The following SAMD4A variants were observed in gnomAD, a reference collection of about 807,000 sequenced individuals.
SAMD4A encodes the protein protein Smaug homolog 1.
In SAMD4A, 33 loss-of-function variants were observed where a neutral mutation model predicts 81.3. The ratio of observed to expected loss-of-function variants is 0.41; its 90% CI spans 0.31 to 0.54. SAMD4A has a LOEUF of 0.54. Among genes scored for constraint, SAMD4A ranks in the 20% least tolerant of loss-of-function variants. The pLI, the probability that SAMD4A is intolerant of heterozygous loss-of-function variation, is 0.37. For synonymous variants in SAMD4A, 389 were observed against 382.1 expected, an observed-to-expected ratio of 1.02 and a Z score of -0.21; for missense variants, 854 against 951.1, an observed-to-expected ratio of 0.90 and a Z score of 1.34.
chr14:54,601,831 C>G (rs754925112), intron 2 of SAMD4A, among the ~76,000 whole-genome samples: 5 of 152,202 alleles, frequency 3.3e-5, no homozygotes, highest in Non-Finnish European at 7.3e-5. Flanking sequence ...CTCAGACACT[C>G]TTACATCACT....
intron 4 of SAMD4A, among the ~76,000 whole-genome samples, chr14:54,744,637 A>G (rs994973287): frequency 2.6e-5 from 4 of 152,184 alleles, no homozygotes; most frequent in Non-Finnish European, 5.9e-5. Flanking sequence ...GTGCACATGC[A>G]TGGTGGTGCT....
chr14:54,636,541 G>A (rs2035039464), intron 2 of SAMD4A, among the ~76,000 whole-genome samples: 1 of 152,228 alleles, frequency 6.6e-6, no homozygotes, highest in Non-Finnish European at 1.5e-5. Flanking sequence ...GAGGGCAGAT[G>A]TGGAAAGCAG....
intron 2 of SAMD4A, among the ~76,000 whole-genome samples, chr14:54,591,234 GGGT>G (rs899391378): frequency 3.9e-4 from 59 of 152,232 alleles, no homozygotes; most frequent in African/African-American, 1.3e-3. Context: ...TCTATCCCTG[GGGT>G]TCTCAGCAAG....
chr14:54,568,213 C>T, intron 2 of SAMD4A, 101 bp downstream of exon 2: 4 of 1,144,778 alleles, frequency 3.5e-6, no homozygotes, highest in Non-Finnish European at 4.6e-6. Flanking sequence ...CCCTGCCAGC[C>T]GCGCCGGGAC....
intron 8 of SAMD4A, among the ~76,000 whole-genome samples, chr14:54,766,171 G>T (rs914780475): frequency 1.3e-5 from 2 of 152,152 alleles, no homozygotes; most frequent in Non-Finnish European, 2.9e-5. Context: ...TTGTTTCAGG[G>T]ACAAGGCCTT....
rs368908451 is a variant in SAMD4A, at chr14:54,784,604, C to T, written c.2112C>T (p.Thr704=). ...TGGAGTCGTTGTGCCTCAGTATGAC[C>T]GAACACGCCCTGGGAGGTGAGTGTG... ...NRLESLCLSM[T]EHALGDGVDR... Residue 704 remains threonine (T), a synonymous_variant, in exon 12 of 13, where the codon ACC becomes ACT. Transcript: ENST00000554335. 5.6e-6 allele frequency: 9 copies of T among 1,613,916 alleles called. No individual in the cohort carries two copies. The highest frequency in any genetic ancestry group is 1.7e-5 in the Admixed American group (1 of 60,002).
intron 2 of SAMD4A, among the ~76,000 whole-genome samples, chr14:54,649,581 A>G (rs75825453): frequency 1.3e-4 from 20 of 152,314 alleles, no homozygotes; most frequent in Non-Finnish European, 2.5e-4. Context: ...AAGTCAAGCT[A>G]TAGGATGACT....
intron 6 of SAMD4A, among the ~76,000 whole-genome samples, chr14:54,754,027 C>T (rs1439289855): frequency 6.6e-6 from 1 of 152,224 alleles, no homozygotes; most frequent in African/African-American, 2.4e-5. Context: ...AGAGTGATTT[C>T]TTCCCTTCTT....
At chr14:54,724,924 G>A (rs960281515) in intron 3 of SAMD4A, among the ~76,000 whole-genome samples, 3 of 152,180 alleles carry the variant, frequency 2.0e-5, no homozygotes, top group African/African-American at 7.2e-5. Context: ...GGGTGTGAGA[G>A]AGAACCGCAC....
intron 2 of SAMD4A, among the ~76,000 whole-genome samples, chr14:54,688,968 G>A (rs1304967702): frequency 9.3e-6 from 1 of 107,124 alleles, no homozygotes; most frequent in African/African-American, 3.3e-5. Flanking sequence ...TTTTGCTCCT[G>A]TTTTCCAGGT....
chr14:54,745,657 C>G (rs2037950259), intron 4 of SAMD4A, among the ~76,000 whole-genome samples: 1 of 152,188 alleles, frequency 6.6e-6, no homozygotes, highest in Non-Finnish European at 1.5e-5. Flanking sequence ...GTTGAATGAG[C>G]AAATATCAGG....
At chr14:54,572,935 C>T (rs1360666123) in intron 2 of SAMD4A, among the ~76,000 whole-genome samples, 1 of 152,154 alleles carries the variant, frequency 6.6e-6, no homozygotes, top group Non-Finnish European at 1.5e-5. Flanking sequence ...AGATATAAGT[C>T]TACTGGGACC....
intron 3 of SAMD4A, among the ~76,000 whole-genome samples, chr14:54,735,364 C>T (rs190265726): frequency 7.2e-5 from 11 of 152,172 alleles, no homozygotes; most frequent in Admixed American, 3.3e-4. Flanking sequence ...CTGTTAGTGT[C>T]GATATTTTTT....
chr14:54,767,384 G>GT (rs2038578422), intron 8 of SAMD4A, among the ~76,000 whole-genome samples: 1 of 152,178 alleles, frequency 6.6e-6, no homozygotes, highest in South Asian at 2.1e-4. Context: ...GAGGGACCGA[G>GT]TCCCCAGAGT....
intron 2 of SAMD4A, among the ~76,000 whole-genome samples, chr14:54,663,633 T>A (rs1203369718): frequency 6.6e-6 from 1 of 152,218 alleles, no homozygotes; most frequent in Non-Finnish European, 1.5e-5. Flanking sequence ...CAAACAAAAT[T>A]ACTCTTCCAA....
At chr14:54,678,433 T>TGTGTGTGTGTGTGTGTGTG (rs2036040355) in intron 2 of SAMD4A, among the ~76,000 whole-genome samples, 3 of 81,250 alleles carry the variant, frequency 3.7e-5, no homozygotes, top group Admixed American at 1.6e-4. Context: ...CAGTCACCAT[T>TGTGTGTGTGTGTGTGTGTG]TGTGTGTGTG....
intron 2 of SAMD4A, among the ~76,000 whole-genome samples, chr14:54,588,861 A>G (rs1034061702): frequency 1.3e-5 from 2 of 152,082 alleles, no homozygotes; most frequent in Admixed American, 1.3e-4. Context: ...TATGCAGTCT[A>G]TTGACAGGAA....
At chr14:54,624,785 T>G (rs2277497) in intron 2 of SAMD4A, among the ~76,000 whole-genome samples, 10,716 of 148,640 alleles carry the variant, frequency 0.072, 406 homozygotes, top group East Asian at 0.11. Flanking sequence ...GATTTTTTTT[T>G]TTGTTGTTTG....
intron 11 of SAMD4A, among the ~76,000 whole-genome samples, chr14:54,781,099 C>A (rs1296884576): frequency 6.6e-6 from 1 of 152,210 alleles, no homozygotes; most frequent in South Asian, 2.1e-4. Context: ...CTCAGTGAAC[C>A]AGACTCCACA....
Sources: gnomAD v4.1 joint callset for allele counts (sites outside exome capture counted in the v4.1 genomes callset) on GRCh38, gnomAD v4.1.1 for gene constraint, MANE v1.5 for transcripts, NCBI Gene and HGNC (gene_info 2026-07-23, HGNC 2026-07-21) for gene names.